DPP10: variants seen among roughly 807,000 people sequenced by gnomAD.
The protein encoded by DPP10 is inactive dipeptidyl peptidase 10.
A neutral mutation model predicts 120.9 loss-of-function variants in DPP10; 33 were observed. The ratio of observed to expected loss-of-function variants is 0.27; its 90% CI spans 0.21 to 0.37. The LOEUF (loss-of-function observed/expected upper bound fraction) is 0.37. DPP10 is among the 10% of genes least tolerant of loss of function. The pLI, the probability that DPP10 is intolerant of heterozygous loss-of-function variation, is 1.00. For synonymous variants in DPP10, 337 were observed against 326.1 expected, an observed-to-expected ratio of 1.03 and a Z score of -0.36; for missense variants, 816 against 942.8, an observed-to-expected ratio of 0.87 and a Z score of 1.76.
intron 1 of DPP10, among the ~76,000 whole-genome samples, chr2:115,094,957 G>T (rs770700463): frequency 1.3e-5 from 2 of 152,114 alleles, no homozygotes; most frequent in Non-Finnish European, 2.9e-5. Context: ...CAGACAACTG[G>T]CACTTTGGCT....
In DPP10 at chr2:115,814,966, A is replaced by G. The variant is rs142359009; in HGVS notation, c.1874A>G (p.Lys625Arg). The change falls in exon 20 of 26, where the codon AAG (lysine) becomes AGG (arginine). Residue 625 changes from lysine (K) to arginine (R), a missense_variant. Lys to Arg is a conservative substitution (Grantham distance 26, BLOSUM62 2). Transcript: ENST00000410059. ...CGAAGATTAGGTTCAGTAGAAGTAA[A>G]GGACCAAATAACAGCTGTGAAGTAA... The part of the protein sequence containing the change: ...IHRRLGSVEV[K>R]DQITAVKFLL... 2.0e-3 allele frequency: 3,171 copies of G among 1,607,642 alleles called. 8 individuals are homozygous for G. Among genetic ancestry groups the G allele is most frequent in the Non-Finnish European group, 2.4e-3 (2,872 of 1,174,954 alleles).
intron 10 of DPP10, chr2:115,750,190 C>G: frequency 2.0e-6 from 2 of 984,676 alleles, no homozygotes; most frequent in Non-Finnish European, 2.4e-6. Flanking sequence ...TGTGACATTT[C>G]CAGGTAAGGG....
Position 115,431,884 on chromosome 2 carries a change from C to A in DPP10, c.272-67626C>A, listed in dbSNP as rs549551105. 3.3e-5 allele frequency among the ~76,000 whole-genome samples: 5 copies of A among 152,188 alleles called. No homozygotes were observed. The East Asian group carries it at 9.7e-4, about 29-fold the overall frequency. On this transcript the variant is annotated intron_variant, in intron 3 of 25. Coordinates refer to ENST00000410059, the MANE Select transcript of DPP10 (RefSeq NM_020868.6). ...TTTGAACACTAGTGTTCTGAATCTT[C>A]ATTTCTGCAAGATATCTTTAAAGTG...
At chr2:114,953,853 T>G (rs892779364) in intron 1 of DPP10, among the ~76,000 whole-genome samples, 1 of 152,150 alleles carries the variant, frequency 6.6e-6, no homozygotes, top group Admixed American at 6.5e-5. Flanking sequence ...TTTGAGTTTA[T>G]AATAAATACT....
At chr2:115,248,396 AT>A (rs1343377238) in intron 1 of DPP10, among the ~76,000 whole-genome samples, 1 of 151,276 alleles carries the variant, frequency 6.6e-6, no homozygotes, top group Non-Finnish European at 1.5e-5. Context: ...TTTAGAAGAT[AT>A]TTCTTTCTTT....
intron 1 of DPP10, among the ~76,000 whole-genome samples, chr2:114,635,512 A>T (rs1367225371): frequency 2.0e-5 from 3 of 151,962 alleles, no homozygotes. Context: ...AAGCTATATG[A>T]GCAAGACTGT....
intron 1 of DPP10, among the ~76,000 whole-genome samples, chr2:114,626,180 A>G (rs1694496975): frequency 6.6e-6 from 1 of 151,872 alleles, no homozygotes; most frequent in African/African-American, 2.4e-5. Flanking sequence ...CACTACATAT[A>G]AAACACTCAC....
At chr2:115,175,281 A>T (rs1327377098) in intron 1 of DPP10, among the ~76,000 whole-genome samples, 1 of 152,134 alleles carries the variant, frequency 6.6e-6, no homozygotes, top group African/African-American at 2.4e-5. Context: ...CTGGCTGGGC[A>T]GGGGATATTA....
chr2:115,209,529 G>C (rs2056371540), intron 1 of DPP10, among the ~76,000 whole-genome samples: 1 of 152,106 alleles, frequency 6.6e-6, no homozygotes, highest in South Asian at 2.1e-4. Context: ...TTTTGCTAAA[G>C]TAGACTTTAT....
At chr2:115,781,207 G>A (rs566338366) in intron 16 of DPP10, among the ~76,000 whole-genome samples, 6 of 151,824 alleles carry the variant, frequency 4.0e-5, no homozygotes, top group Admixed American at 2.0e-4. Flanking sequence ...CAATAAACAT[G>A]CACACATAAT....
chr2:114,597,239 T>C (rs536601458), intron 1 of DPP10, among the ~76,000 whole-genome samples: 2 of 152,116 alleles, frequency 1.3e-5, no homozygotes, highest in African/African-American at 4.8e-5. Flanking sequence ...AAGAGTAATT[T>C]GGTACTGTTG....
At chr2:114,790,820 G>A (rs182291630) in intron 1 of DPP10, among the ~76,000 whole-genome samples, 11 of 152,270 alleles carry the variant, frequency 7.2e-5, no homozygotes, top group Admixed American at 3.9e-4. Context: ...GGGGCAGGGC[G>A]TATTCACTTC....
intron 1 of DPP10, among the ~76,000 whole-genome samples, chr2:115,033,711 T>TTA: frequency 7.4e-6 from 1 of 135,558 alleles, no homozygotes; most frequent in East Asian, 2.1e-4. Flanking sequence ...TTTTTTTTTT[T>TTA]ATTTTTAGAG....
At chr2:114,958,335 A>C (rs2104696189) in intron 1 of DPP10, among the ~76,000 whole-genome samples, 1 of 152,240 alleles carries the variant, frequency 6.6e-6, no homozygotes, top group South Asian at 2.1e-4. Context: ...CTACCTATTA[A>C]GTTAGGTCAT....
At chr2:114,694,629 A>G (rs1317608960) in intron 1 of DPP10, among the ~76,000 whole-genome samples, 4 of 152,152 alleles carry the variant, frequency 2.6e-5, no homozygotes, top group Non-Finnish European at 5.9e-5. Flanking sequence ...ATTTCACAAG[A>G]TGAATAAAAC....
intron 1 of DPP10, among the ~76,000 whole-genome samples, chr2:115,201,964 A>G (rs879681138): frequency 3.9e-5 from 6 of 152,146 alleles, no homozygotes; most frequent in Non-Finnish European, 8.8e-5. Flanking sequence ...TAGTGTTTTT[A>G]TGTCTTAGGA....
intron 1 of DPP10, among the ~76,000 whole-genome samples, chr2:115,247,922 A>G (rs1003403470): frequency 1.3e-5 from 2 of 152,084 alleles, no homozygotes; most frequent in African/African-American, 2.4e-5. Flanking sequence ...ATGACTCACC[A>G]TTTAGTTTAG....
chr2:115,133,143 GTGTATATA>G (rs1282480528), intron 1 of DPP10, among the ~76,000 whole-genome samples: 5,030 of 31,730 alleles, frequency 0.16, 113 homozygotes, highest in Non-Finnish European at 0.19. Context: ...GTGTGTGTGT[GTGTATATA>G]TATATATATA....
chr2:115,222,201 A>C (rs1203492812), intron 1 of DPP10, among the ~76,000 whole-genome samples: 2 of 152,150 alleles, frequency 1.3e-5, no homozygotes, highest in African/African-American at 4.8e-5. Context: ...GAATTTGATA[A>C]TGTATACCTC....
Sources: allele counts gnomAD v4.1 joint callset (sites outside exome capture counted in the v4.1 genomes callset), GRCh38; gene constraint gnomAD v4.1.1; transcripts MANE v1.5; gene names NCBI Gene and HGNC (gene_info 2026-07-23, HGNC 2026-07-21).